Variants in NTRK2 observed in about 807,000 individuals in gnomAD.
The protein encoded by NTRK2 is neurotrophic receptor tyrosine kinase 2.
In NTRK2, 13 loss-of-function variants were observed where a neutral mutation model predicts 94.5. The observed-to-expected ratio is 0.14, with a 90% confidence interval of 0.09 to 0.22. The LOEUF (loss-of-function observed/expected upper bound fraction) is 0.22, where lower values mean the gene tolerates loss of function less well. Ranked by LOEUF, NTRK2 falls within the 10% of genes least tolerant of loss-of-function variation. The probability of loss-of-function intolerance (pLI) is 1.00; values close to 1 mark genes in which losing one functional copy is unlikely to be tolerated. For missense variants in NTRK2, 639 were observed against 1,071.2 expected (o/e 0.60, Z 5.63); for synonymous variants, 372 against 407.4 (o/e 0.91, Z 1.05).
At chr9:84,725,622 AAT>A (rs10607553) in intron 8 of NTRK2, among the ~76,000 whole-genome samples, 86,705 of 147,266 alleles carry the variant, frequency 0.59, 26,772 homozygotes, top group South Asian at 0.69. Context: ...TATTTTGTGT[AAT>A]ATATATATAT....
Position 85,022,787 on chromosome 9 carries a change from G to A in NTRK2, c.*1350G>A, listed in dbSNP as rs1017717553. The stretch of plus-strand genomic sequence containing the variant: ...GAGTATCAATGTCTCTGCGTTGTAC[G>A]GTGGTGATGGGTTTTAATGAATATG... On this transcript the variant is annotated 3_prime_UTR_variant, in exon 19 of 19. Transcript: ENST00000277120. The A allele has an allele frequency of 1.3e-5, 3 of 233,084 alleles. No homozygotes were observed. The highest frequency in any genetic ancestry group is 2.2e-5 in the African/African-American group (1 of 45,322). 14.4% of individuals were successfully genotyped at this position (233,084 alleles called of 1,614,324 possible).
At chr9:85,013,302 A>ACATTGTTT (rs950682934) in intron 17 of NTRK2, among the ~76,000 whole-genome samples, 2 of 152,068 alleles carry the variant, frequency 1.3e-5, no homozygotes, top group African/African-American at 4.8e-5. Flanking sequence ...ATTTTTGTGG[A>ACATTGTTT]CATTGTTTCT....
chr9:84,809,131 T>A (rs1273066183), intron 12 of NTRK2, among the ~76,000 whole-genome samples: 1 of 152,200 alleles, frequency 6.6e-6, no homozygotes, highest in Non-Finnish European at 1.5e-5. Flanking sequence ...TGTCTTCTTC[T>A]TGCAGAACTT....
intron 14 of NTRK2, among the ~76,000 whole-genome samples, chr9:84,927,904 C>G (rs994446536): frequency 6.6e-6 from 1 of 152,142 alleles, no homozygotes; most frequent in Admixed American, 6.5e-5. Context: ...GTGGATTGCT[C>G]TATGGCCACA....
rs565648438 is a variant in NTRK2 at position 84,683,709 on chromosome 9, A to G, written c.212+12749A>G. Among the ~76,000 whole-genome samples, 3 of 152,276 alleles carry G rather than the reference A, an allele frequency of 2.0e-5. No homozygotes were observed. In the South Asian group the frequency reaches 6.2e-4, roughly 32 times the overall value. ...ATAATCTTTGGGTATATACCCTTTAATGGGATTGCTGGGTCAAATGGTATT... is the reference window on the plus strand; with the variant it reads ...ATAATCTTTGGGTATATACCCTTTAGTGGGATTGCTGGGTCAAATGGTATT... On this transcript the variant is annotated intron_variant, in intron 2 of 18. Coordinates refer to ENST00000277120, the MANE Select transcript of NTRK2 (RefSeq NM_006180.6).
intron 17 of NTRK2, among the ~76,000 whole-genome samples, chr9:85,012,358 A>G (rs1014401605): frequency 2.0e-5 from 3 of 152,160 alleles, no homozygotes; most frequent in Admixed American, 6.5e-5. Context: ...TTTTCAGTAC[A>G]CAGTTCTGTG....
chr9:84,732,982 T>C (rs1195593391), intron 9 of NTRK2, among the ~76,000 whole-genome samples: 1 of 152,142 alleles, frequency 6.6e-6, no homozygotes, highest in East Asian at 1.9e-4. Flanking sequence ...ACAAAGACTT[T>C]CTCCTGTGCT....
chr9:84,672,931 T>C (rs1182437304), intron 2 of NTRK2, among the ~76,000 whole-genome samples: 1 of 152,240 alleles, frequency 6.6e-6, no homozygotes, highest in African/African-American at 2.4e-5. Flanking sequence ...AAAGCATGTG[T>C]CATAGTTATT....
chr9:84,834,254 A>T (rs961755161), intron 12 of NTRK2, among the ~76,000 whole-genome samples: 1 of 152,222 alleles, frequency 6.6e-6, no homozygotes, highest in African/African-American at 2.4e-5. Context: ...TTCATGCACA[A>T]AATAAAAAAT....
At chr9:85,007,839 A>C (rs1037442774) in intron 17 of NTRK2, among the ~76,000 whole-genome samples, 1 of 152,186 alleles carries the variant, frequency 6.6e-6, no homozygotes, top group Non-Finnish European at 1.5e-5. Flanking sequence ...ATTAATAAGC[A>C]TAAAGTTCTT....
In NTRK2 at chr9:84,959,540, C is replaced by A. The variant is rs536919629; in HGVS notation, c.2172+4023C>A. Among the ~76,000 whole-genome samples, 155 of 152,274 alleles carry A rather than the reference C, an allele frequency of 1.0e-3. 2 individuals are homozygous for A. The highest frequency in any genetic ancestry group is 3.8e-3 in the Admixed American group (58 of 15,300). On this transcript the variant is annotated intron_variant, in intron 17 of 18. Transcript: ENST00000277120. ...TTTCGTTACAGGGGAGCTGGTAGCA[C>A]CAGGAAATGGCTGCCTCCAGGCGTC...
intron 17 of NTRK2, among the ~76,000 whole-genome samples, chr9:85,018,500 C>A (rs1489407629): frequency 6.6e-6 from 1 of 152,210 alleles, no homozygotes; most frequent in African/African-American, 2.4e-5. Flanking sequence ...CTGCCCAGAC[C>A]TGGTGAGATC....
chr9:84,729,396 T>C (rs1421881519), intron 9 of NTRK2, among the ~76,000 whole-genome samples: 3 of 152,216 alleles, frequency 2.0e-5, no homozygotes, highest in African/African-American at 7.2e-5. Flanking sequence ...ATTGAGAGTT[T>C]AGCTGCTTGG....
intron 14 of NTRK2, among the ~76,000 whole-genome samples, chr9:84,889,829 C>T (rs1452742698): frequency 1.3e-5 from 2 of 152,130 alleles, no homozygotes; most frequent in Non-Finnish European, 2.9e-5. Flanking sequence ...CTGACACCAC[C>T]ATCATTATTA....
intron 12 of NTRK2, chr9:84,813,909 G>A (rs2072091084): frequency 4.7e-6 from 5 of 1,065,488 alleles, no homozygotes; most frequent in Admixed American, 5.3e-5. Flanking sequence ...GGCCTCCAGA[G>A]ACCCTCTCAG....
intron 11 of NTRK2, among the ~76,000 whole-genome samples, chr9:84,747,124 A>C (rs2889962): frequency 6.6e-6 from 1 of 152,010 alleles, no homozygotes; most frequent in African/African-American, 2.4e-5. Flanking sequence ...CCAAGGCCAC[A>C]AGAGTGGAAA....
chr9:84,965,361 C>T (rs1440796040), intron 17 of NTRK2, among the ~76,000 whole-genome samples: 1 of 152,146 alleles, frequency 6.6e-6, no homozygotes, highest in African/African-American at 2.4e-5. Context: ...CAAGGAAAAC[C>T]ACACGTGTCC....
At position 85,022,672 on chromosome 9, in the gene NTRK2, G is replaced by A; in HGVS notation, c.*1235G>A. On this transcript the variant is annotated 3_prime_UTR_variant, in exon 19 of 19. Coordinates refer to ENST00000277120, the MANE Select transcript of NTRK2 (RefSeq NM_006180.6). ...TAATACCTTGTGTGCAGACACTACT[G>A]CTCCAGACGTCGTTTCCCTGATAGG... 1 of 233,220 alleles carries A rather than the reference G, an allele frequency of 4.3e-6. No individual in the cohort carries two copies. The highest frequency in any genetic ancestry group is 8.5e-6 in the Non-Finnish European group (1 of 118,034). The allele number at this position is 233,220 out of a possible 1,614,324, so 14.4% of individuals were successfully genotyped here. A position where few individuals can be genotyped will look rare whatever the true frequency, so the allele number is the denominator to read the frequency against.
At chr9:85,010,497 T>G (rs1041395906) in intron 17 of NTRK2, among the ~76,000 whole-genome samples, 3 of 152,174 alleles carry the variant, frequency 2.0e-5, no homozygotes, top group Non-Finnish European at 2.9e-5. Flanking sequence ...TAAAGAAATG[T>G]ATAGCTTTGG....
Sources: gnomAD v4.1 joint callset for allele counts (sites outside exome capture counted in the v4.1 genomes callset) on GRCh38, gnomAD v4.1.1 for gene constraint, MANE v1.5 for transcripts, NCBI Gene and HGNC (gene_info 2026-07-23, HGNC 2026-07-21) for gene names.